ZBTB20: variants seen among roughly 807,000 people sequenced by gnomAD.
The protein encoded by ZBTB20 is zinc finger and BTB domain containing 20.
Under a neutral mutation model 56.9 loss-of-function variants are expected in ZBTB20, and 9 were observed. The ratio of observed to expected loss-of-function variants is 0.16; its 90% CI spans 0.10 to 0.28. ZBTB20 has a LOEUF of 0.28. ZBTB20 is among the 10% of genes least tolerant of loss of function. The probability of loss-of-function intolerance (pLI) is 1.00; values close to 1 mark genes in which losing one functional copy is unlikely to be tolerated. For synonymous variants in ZBTB20, 417 were observed against 420.7 expected (o/e 0.99, Z 0.11); for missense variants, 655 against 1,003.0 (o/e 0.65, Z 4.69).
At chr3:114,793,169 C>T (rs568595051) in intron 5 of ZBTB20, among the ~76,000 whole-genome samples, 2 of 152,094 alleles carry the variant, frequency 1.3e-5, no homozygotes, top group South Asian at 4.2e-4. Flanking sequence ...CATGAGCCAC[C>T]GTGCCTGGCC....
chr3:114,987,109 T>A (rs548736332), intron 2 of ZBTB20, among the ~76,000 whole-genome samples: 2 of 152,258 alleles, frequency 1.3e-5, no homozygotes, highest in East Asian at 3.9e-4. Context: ...CAACCATGAT[T>A]TTTAAAATAA....
intron 5 of ZBTB20, among the ~76,000 whole-genome samples, chr3:114,779,040 T>C (rs945405187): frequency 6.6e-6 from 1 of 152,144 alleles, no homozygotes; most frequent in African/African-American, 2.4e-5. Flanking sequence ...GTGTTGTCTT[T>C]TCAATTTCCT....
chr3:114,385,648 C>A (rs1440463345), intron 8 of ZBTB20, among the ~76,000 whole-genome samples: 1 of 152,026 alleles, frequency 6.6e-6, no homozygotes, highest in Non-Finnish European at 1.5e-5. Context: ...GCGGGCGGAT[C>A]ACGAGGTCAA....
At chr3:115,039,298 A>T (rs927526188) in intron 2 of ZBTB20, among the ~76,000 whole-genome samples, 8 of 152,088 alleles carry the variant, frequency 5.3e-5, no homozygotes, top group African/African-American at 1.7e-4. Context: ...AATCAAGGGT[A>T]TTACATGTTG....
Position 114,380,816 on chromosome 3 carries a change from T to C in ZBTB20, c.-29A>G, listed in dbSNP as rs1169579868. The C allele has an allele frequency of 6.7e-7, 1 of 1,502,056 alleles. No individual in the cohort carries two copies. The highest frequency in any genetic ancestry group is 1.3e-5 in the South Asian group (1 of 76,706). 93.0% of individuals were successfully genotyped at this position (1,502,056 alleles called of 1,614,324 possible). On this transcript the variant is annotated 5_prime_UTR_variant, in exon 9 of 12. Coordinates refer to ENST00000675478, the MANE Select transcript of ZBTB20 (RefSeq NM_001348800.3). ...TCAGGAAGCTTAGAGACAGGACTCGTGGAGTAATGGGAGGAGCACTGGACT... is the reference window on the plus strand; with the variant it reads ...TCAGGAAGCTTAGAGACAGGACTCGCGGAGTAATGGGAGGAGCACTGGACT...
At chr3:114,509,380 T>G (rs947008512) in intron 6 of ZBTB20, among the ~76,000 whole-genome samples, 1 of 151,958 alleles carries the variant, frequency 6.6e-6, no homozygotes, top group Non-Finnish European at 1.5e-5. Context: ...ATTCAGTTTT[T>G]TTCACAGGTA....
chr3:115,013,908 A>ATGTG (rs35762117), intron 2 of ZBTB20, among the ~76,000 whole-genome samples: 2,631 of 147,814 alleles, frequency 0.018, 34 homozygotes, highest in East Asian at 0.058. Flanking sequence ...CAATCCCTAT[A>ATGTG]TGTGTGTGTG....
At chr3:114,998,835 A>G (rs922790732) in intron 2 of ZBTB20, among the ~76,000 whole-genome samples, 1 of 151,502 alleles carries the variant, frequency 6.6e-6, no homozygotes, top group African/African-American at 2.4e-5. Flanking sequence ...TCTAGAAGGT[A>G]ATTTGGTATT....
At chr3:115,082,940 A>G (rs2082851197) in intron 1 of ZBTB20, among the ~76,000 whole-genome samples, 1 of 152,084 alleles carries the variant, frequency 6.6e-6, no homozygotes, top group African/African-American at 2.4e-5. Context: ...ATAGCACACT[A>G]CATTTCAAAG....
intron 7 of ZBTB20, among the ~76,000 whole-genome samples, chr3:114,476,574 G>C (rs947365609): frequency 1.3e-5 from 2 of 152,278 alleles, no homozygotes; most frequent in Admixed American, 6.5e-5. Flanking sequence ...GAGGGCAAGA[G>C]AGCACAAAAG....
chr3:114,394,997 A>G (rs995814338), intron 7 of ZBTB20, among the ~76,000 whole-genome samples: 6 of 152,204 alleles, frequency 3.9e-5, no homozygotes, highest in Non-Finnish European at 5.9e-5. Context: ...ATTATCTGGT[A>G]ATAATTCAAA....
At chr3:114,434,080 A>G (rs2090326595) in intron 7 of ZBTB20, among the ~76,000 whole-genome samples, 1 of 152,144 alleles carries the variant, frequency 6.6e-6, no homozygotes, top group Admixed American at 6.5e-5. Flanking sequence ...TTAGTTCTAG[A>G]TATTTTAGAT....
At chr3:114,397,819 C>T (rs35438244) in intron 7 of ZBTB20, among the ~76,000 whole-genome samples, 39,453 of 152,004 alleles carry the variant, frequency 0.26, 5,662 homozygotes, top group East Asian at 0.38. Flanking sequence ...TCCCCCATCC[C>T]CCTTTTTAAT....
At chr3:114,908,754 A>G (rs1244097646) in intron 3 of ZBTB20, among the ~76,000 whole-genome samples, 1 of 151,988 alleles carries the variant, frequency 6.6e-6, no homozygotes, top group Non-Finnish European at 1.5e-5. Flanking sequence ...AAAAAGGCAG[A>G]TTTGATAAAT....
chr3:114,365,654 G>A (rs2082323819), intron 10 of ZBTB20, among the ~76,000 whole-genome samples: 1 of 152,198 alleles, frequency 6.6e-6, no homozygotes, highest in Non-Finnish European at 1.5e-5. Flanking sequence ...TACAGTAACG[G>A]GAGGTGGGAG....
chr3:114,843,843 ATT>A (rs35664431), intron 4 of ZBTB20, among the ~76,000 whole-genome samples: 1,658 of 143,114 alleles, frequency 0.012, 5 homozygotes, highest in Non-Finnish European at 0.017. Flanking sequence ...CACCCGGCTA[ATT>A]TTTTTTTTTT....
At chr3:115,012,004 T>G (rs1291629383) in intron 2 of ZBTB20, among the ~76,000 whole-genome samples, 1 of 151,776 alleles carries the variant, frequency 6.6e-6, no homozygotes, top group South Asian at 2.1e-4. Flanking sequence ...TTAAAATAAT[T>G]GCTTATAAGA....
At chr3:114,353,222 T>G (rs1341759441) in intron 10 of ZBTB20, among the ~76,000 whole-genome samples, 1 of 152,188 alleles carries the variant, frequency 6.6e-6, no homozygotes, top group Non-Finnish European at 1.5e-5. Context: ...GCACTGATTG[T>G]TGGCCTGGAC....
intron 8 of ZBTB20, among the ~76,000 whole-genome samples, chr3:114,382,188 T>C (rs562988862): frequency 6.6e-6 from 1 of 152,192 alleles, no homozygotes; most frequent in Admixed American, 6.5e-5. Context: ...CAGTTCTGCT[T>C]CCTTCATATT....
Sources: allele counts gnomAD v4.1 joint callset (sites outside exome capture counted in the v4.1 genomes callset), GRCh38; gene constraint gnomAD v4.1.1; transcripts MANE v1.5; gene names NCBI Gene and HGNC (gene_info 2026-07-23, HGNC 2026-07-21).